The following RAP1GAP2 variants were observed in gnomAD, a reference collection of about 807,000 sequenced individuals.
The protein encoded by RAP1GAP2 is RAP1 GTPase activating protein 2.
In RAP1GAP2, 27 loss-of-function variants were observed where a neutral mutation model predicts 95.0. That is an observed-to-expected ratio of 0.28 (90% CI 0.21 to 0.39). The LOEUF is 0.39. Ranked by LOEUF, RAP1GAP2 falls within the 10% of genes least tolerant of loss-of-function variation. The probability of loss-of-function intolerance (pLI) is 1.00; values close to 1 mark genes in which losing one functional copy is unlikely to be tolerated. For synonymous variants in RAP1GAP2, 373 were observed against 380.9 expected, an observed-to-expected ratio of 0.98 and a Z score of 0.24; for missense variants, 771 against 970.0, an observed-to-expected ratio of 0.79 and a Z score of 2.72.
rs770858446 is a variant in RAP1GAP2 at position 2,995,363 on chromosome 17, A to G, written c.941A>G (p.His314Arg). Residue 314 changes from histidine (H) to arginine (R), a missense_variant, in exon 13 of 25, where the codon CAC becomes CGC. His to Arg is a conservative substitution (Grantham distance 29). Transcript: ENST00000254695. ...TTCCGAGGAGGCCTGGACGTGACCC[A>G]CGGACAGACAGGGGTGGAATCAGTG... ...KGFRGGLDVTHGQTGVESVYT... is the reference protein window; with the variant it reads ...KGFRGGLDVTRGQTGVESVYT... 6.2e-7 allele frequency: 1 copy of G among 1,613,766 alleles called. No homozygotes were observed. Among genetic ancestry groups the G allele is most frequent in the Non-Finnish European group, 8.5e-7 (1 of 1,179,722 alleles).
chr17:2,839,403 C>T (rs2071277658), intron 2 of RAP1GAP2, among the ~76,000 whole-genome samples: 1 of 152,120 alleles, frequency 6.6e-6, no homozygotes. Flanking sequence ...CAGTTCCCTA[C>T]AACTTACATT....
At position 3,026,211 on chromosome 17, in the gene RAP1GAP2, C is replaced by A. The variant is rs996590281; in HGVS notation, c.1865+90C>A. 18 of 1,310,146 alleles carry A rather than the reference C, an allele frequency of 1.4e-5. No individual in the cohort carries two copies. In the South Asian group the frequency reaches 2.3e-4, roughly 16 times the overall value. The allele number at this position is 1,310,146 out of a possible 1,614,324, so 81.2% of individuals were successfully genotyped here. A position where few individuals can be genotyped will look rare whatever the true frequency, so the allele number is the denominator to read the frequency against. Reference sequence around the variant, plus strand: ...CTCCTGGCCAGCTGAGAGTGGCCATCTCCTGCCTCTGGAACTCTCCAGAAC... The same window carrying A: ...CTCCTGGCCAGCTGAGAGTGGCCATATCCTGCCTCTGGAACTCTCCAGAAC... On this transcript the variant is annotated intron_variant, in intron 20 of 24. Coordinates refer to ENST00000254695, the MANE Select transcript of RAP1GAP2 (RefSeq NM_015085.5).
In RAP1GAP2 at chr17:3,027,076, T is replaced by A. The variant is rs770051434; in HGVS notation, c.2107+6T>A. The A allele has an allele frequency of 6.4e-7, 1 of 1,571,678 alleles. No individual in the cohort carries two copies. Among genetic ancestry groups the A allele is most frequent in the Non-Finnish European group, 8.6e-7 (1 of 1,158,480 alleles). ...CATGAGCCGGAGTCCCACAGGTCAG[T>A]GGCATCTGGTGGTGTGTGTGACGTC... On this transcript the variant is annotated splice_donor_region_variant and intron_variant, in intron 22 of 24. Coordinates refer to ENST00000254695, the MANE Select transcript of RAP1GAP2 (RefSeq NM_015085.5). The surrounding 1 kb of genome is among the most constrained non-coding windows in gnomAD (Gnocchi z 5.2).
intron 3 of RAP1GAP2, among the ~76,000 whole-genome samples, chr17:2,927,220 C>T (rs1280781671): frequency 6.6e-6 from 1 of 151,384 alleles, no homozygotes; most frequent in Admixed American, 6.6e-5. Context: ...GTGGCGCGAT[C>T]TCGGCTCACT....
intron 19 of RAP1GAP2, among the ~76,000 whole-genome samples, chr17:3,023,614 G>GT (rs1007742583): frequency 7.6e-4 from 115 of 152,218 alleles, no homozygotes; most frequent in African/African-American, 2.7e-3. Flanking sequence ...AGAGTTACAG[G>GT]TTTTTAAAAA....
intron 3 of RAP1GAP2, among the ~76,000 whole-genome samples, chr17:2,909,483 A>G (rs1349493554): frequency 6.6e-6 from 1 of 152,114 alleles, no homozygotes; most frequent in East Asian, 1.9e-4. Context: ...AAATGTGGAA[A>G]GGAGGGAGTG....
In RAP1GAP2 at chr17:2,942,336, C is replaced by G. The variant is rs563886045; in HGVS notation, c.166-15423C>G. Reference sequence around the variant, plus strand: ...TGCTTAATATCATCTCATCTTCCAGCTCAGGAACATTCAGTGGCTTCCATA... The same window carrying G: ...TGCTTAATATCATCTCATCTTCCAGGTCAGGAACATTCAGTGGCTTCCATA... On this transcript the variant is annotated intron_variant, in intron 3 of 24. Coordinates refer to ENST00000254695, the MANE Select transcript of RAP1GAP2 (RefSeq NM_015085.5). Among the ~76,000 whole-genome samples, 21 of 152,290 alleles carry G rather than the reference C, an allele frequency of 1.4e-4. No homozygotes were observed. In the South Asian group the frequency reaches 2.7e-3, roughly 20 times the overall value.
In RAP1GAP2 at chr17:3,006,048, G is replaced by A. The variant is rs1173125924; in HGVS notation, c.1359+7G>A. The stretch of plus-strand genomic sequence containing the variant: ...CAAGTTTGCAAAGCTGGAGGTGAGA[G>A]TGTGGTTTCTGAAGGTCTCCCTCCT... On this transcript the variant is annotated splice_region_variant and intron_variant, in intron 16 of 24. Transcript: ENST00000254695. The A allele has an allele frequency of 6.3e-7, 1 of 1,598,858 alleles. No individual in the cohort carries two copies. The highest frequency in any genetic ancestry group is 8.5e-7 in the Non-Finnish European group (1 of 1,170,512).
intron 3 of RAP1GAP2, among the ~76,000 whole-genome samples, chr17:2,947,482 C>A (rs1282933211): frequency 6.6e-6 from 1 of 152,202 alleles, no homozygotes; most frequent in African/African-American, 2.4e-5. Context: ...AAGACTCAGC[C>A]CTCACCGCTT....
At chr17:2,956,932 T>G (rs962137988) in intron 3 of RAP1GAP2, among the ~76,000 whole-genome samples, 10 of 151,908 alleles carry the variant, frequency 6.6e-5, no homozygotes, top group Non-Finnish European at 1.0e-4. Flanking sequence ...TTCGAGACCA[T>G]CCTGGCCAAC....
At chr17:2,788,000 TTGA>T (rs747466908) in intron 1 of RAP1GAP2, among the ~76,000 whole-genome samples, 4 of 152,242 alleles carry the variant, frequency 2.6e-5, no homozygotes, top group African/African-American at 4.8e-5. Context: ...TAATCCTCAG[TTGA>T]TGATCATTTA....
intron 1 of RAP1GAP2, among the ~76,000 whole-genome samples, chr17:2,785,063 G>A (rs1359023272): frequency 2.0e-5 from 3 of 152,184 alleles, no homozygotes; most frequent in Admixed American, 6.5e-5. Flanking sequence ...CCCCTGCCTC[G>A]CTTGCTGGCC....
At chr17:2,764,778 T>A (rs752621575) in intron 1 of RAP1GAP2, among the ~76,000 whole-genome samples, 1 of 151,780 alleles carries the variant, frequency 6.6e-6, no homozygotes, top group African/African-American at 2.4e-5. Context: ...ATCTCAAAAA[T>A]AAAAATACAA....
upstream of RAP1GAP2, among the ~76,000 whole-genome samples, chr17:2,774,488 T>G (rs1290413776): frequency 3.3e-5 from 5 of 150,008 alleles, no homozygotes; most frequent in Admixed American, 2.7e-4. Flanking sequence ...TCGTTTTTTT[T>G]TTTTTTTTTT....
chr17:2,834,220 T>G (rs1033792951), intron 2 of RAP1GAP2, among the ~76,000 whole-genome samples: 1 of 152,226 alleles, frequency 6.6e-6, no homozygotes, highest in African/African-American at 2.4e-5. Context: ...CTTTAGATTT[T>G]CATCCTATCC....
intron 8 of RAP1GAP2, among the ~76,000 whole-genome samples, chr17:2,967,786 C>T (rs143305973): frequency 1.5e-3 from 227 of 152,290 alleles, no homozygotes; most frequent in Middle Eastern, 6.8e-3. Context: ...CCCCTGCTGG[C>T]GGTGACTACT....
chr17:2,824,264 A>C (rs1447114490), intron 2 of RAP1GAP2, among the ~76,000 whole-genome samples: 1 of 150,606 alleles, frequency 6.6e-6, no homozygotes, highest in African/African-American at 2.5e-5. Context: ...CCTGGCCAAC[A>C]TGGTGAAACC....
At chr17:2,989,088 A>G (rs992614664) in intron 11 of RAP1GAP2, among the ~76,000 whole-genome samples, 1 of 87,296 alleles carries the variant, frequency 1.1e-5, no homozygotes, top group Non-Finnish European at 2.2e-5. Flanking sequence ...AAACAAAAAC[A>G]AAACAAAAAA....
intron 12 of RAP1GAP2, among the ~76,000 whole-genome samples, chr17:2,991,928 C>G (rs2045769845): frequency 1.3e-5 from 2 of 151,536 alleles, no homozygotes; most frequent in Admixed American, 1.3e-4. Flanking sequence ...ACACGCCCAG[C>G]TAAGGTTTTT....
Sources: gnomAD v4.1 joint callset for allele counts (sites outside exome capture counted in the v4.1 genomes callset) on GRCh38, gnomAD v4.1.1 for gene constraint, Gnocchi (gnomAD v3.1) non-coding constraint, MANE v1.5 for transcripts, NCBI Gene and HGNC (gene_info 2026-07-23, HGNC 2026-07-21) for gene names.